The following PACS2 variants were observed in gnomAD, a reference collection of about 807,000 sequenced individuals.
PACS2 encodes the protein phosphofurin acidic cluster sorting protein 2.
A neutral mutation model predicts 113.0 loss-of-function variants in PACS2; 36 were observed. The observed-to-expected ratio is 0.32, with a 90% CI of 0.24 to 0.42. The LOEUF is 0.42. Ranked by LOEUF, PACS2 falls within the 10% of genes least tolerant of loss-of-function variation. PACS2 has a pLI of 1.00. For synonymous variants in PACS2, 589 were observed against 536.1 expected, an observed-to-expected ratio of 1.10 and a Z score of -1.36; for missense variants, 1,015 against 1,239.5, an observed-to-expected ratio of 0.82 and a Z score of 2.72.
intron 3 of PACS2, among the ~76,000 whole-genome samples, chr14:105,353,630 G>A (rs1426375035): frequency 6.6e-6 from 1 of 151,940 alleles, no homozygotes; most frequent in Non-Finnish European, 1.5e-5. Context: ...TTGAGATGGA[G>A]TCTCTCCTTG....
At position 105,396,101 on chromosome 14, in the gene PACS2, C is replaced by G. The variant is rs1228589366; in HGVS notation, c.*1429C>G. 6.6e-6 allele frequency: 1 copy of G among 152,478 alleles called. No homozygotes were observed. The highest frequency in any genetic ancestry group is 2.4e-5 in the African/African-American group (1 of 41,568). 9.4% of individuals were successfully genotyped at this position (152,478 alleles called of 1,614,324 possible). ...TGACCGCCCTGCTCTTCCTGGCCGCCCCCCCCAGGTGGCTGAACAGGGTGA... is the reference window on the plus strand; with the variant it reads ...TGACCGCCCTGCTCTTCCTGGCCGCGCCCCCCAGGTGGCTGAACAGGGTGA... On this transcript the variant is annotated 3_prime_UTR_variant, in exon 25 of 25. Transcript: ENST00000447393.
chr14:105,360,928 G>A (rs2060656397), intron 4 of PACS2, among the ~76,000 whole-genome samples: 1 of 152,156 alleles, frequency 6.6e-6, no homozygotes, highest in African/African-American at 2.4e-5. Flanking sequence ...TCCATCTTAA[G>A]AAACCACTTT....
In PACS2 at chr14:105,396,305, G is replaced by C. The variant is rs1288850595; in HGVS notation, c.*1633G>C. On this transcript the variant is annotated 3_prime_UTR_variant, in exon 25 of 25. Coordinates refer to ENST00000447393, the MANE Select transcript of PACS2 (RefSeq NM_001100913.3). ...AGGAGCCTGGGGCACACCCCAGGGT[G>C]GGGGAGAGGGTAGGAAGGTCTCCCA... 2 of 152,396 alleles carry C rather than the reference G, an allele frequency of 1.3e-5. No homozygotes were observed. Among genetic ancestry groups the C allele is most frequent in the African/African-American group, 4.8e-5 (2 of 41,546 alleles). The allele number at this position is 152,396 out of a possible 1,614,324, so 9.4% of individuals were successfully genotyped here.
At chr14:105,351,784 G>A (rs2060189956) in intron 2 of PACS2, among the ~76,000 whole-genome samples, 1 of 152,190 alleles carries the variant, frequency 6.6e-6, no homozygotes, top group African/African-American at 2.4e-5. Context: ...GGTCAAGGCT[G>A]TAGTGAGTTG....
chr14:105,317,562 C>A lies in PACS2; in HGVS notation c.119+2525C>A, dbSNP rs925351800. Among the ~76,000 whole-genome samples, 1 of 152,168 alleles carries A rather than the reference C, an allele frequency of 6.6e-6. No homozygotes were observed. The highest frequency in any genetic ancestry group is 6.5e-5 in the Admixed American group (1 of 15,268). The stretch of plus-strand genomic sequence containing the variant: ...GTTTTAACTTGAATTTCTCTGATTA[C>A]TAATTTAGGCCATTTGTACTTCCTT... On this transcript the variant is annotated intron_variant, in intron 1 of 24. Transcript: ENST00000447393. This position sits in a 1 kb window ranked among gnomAD's most constrained non-coding sequence, Gnocchi z 4.2.
At chr14:105,368,028 G>T in intron 5 of PACS2, 46 bp from the exon 6 acceptor site, 1 of 1,320,204 alleles carries the variant, frequency 7.6e-7, no homozygotes, top group Non-Finnish European at 1.1e-6. Context: ...CTGGTTTCCC[G>T]GGTGGAATCT....
intron 2 of PACS2, among the ~76,000 whole-genome samples, chr14:105,349,177 G>C (rs1294720624): frequency 6.6e-6 from 1 of 152,244 alleles, no homozygotes; most frequent in African/African-American, 2.4e-5. Flanking sequence ...TTGCCCAGTG[G>C]CCCAGACAGG....
In PACS2 at chr14:105,385,691, G is replaced by T; in HGVS notation, c.2007G>T (p.Lys669Asn). 6.6e-7 allele frequency: 1 copy of T among 1,521,610 alleles called. No homozygotes were observed. Among genetic ancestry groups the T allele is most frequent in the Non-Finnish European group, 8.8e-7 (1 of 1,137,906 alleles). 94.3% of individuals were successfully genotyped at this position (1,521,610 alleles called of 1,614,324 possible). ...AMLTYKQKRKKHFHFDFTLSP... is the reference protein window; with the variant it reads ...AMLTYKQKRKNHFHFDFTLSP... ...TTGGTGGCTTTCTGAAAAGGAAAAA[G>T]CATTTTCATTTTGACTTTACCCTAA... Residue 669 changes from lysine to asparagine, a missense_variant, in exon 19 of 25, where the codon AAG becomes AAT. Lys to Asn is a moderately conservative substitution (Grantham distance 94, BLOSUM62 0). Transcript: ENST00000447393.
Position 105,355,248 on chromosome 14 carries a change from A to T in PACS2, c.423+71A>T. ...GTGCCAGAGCATTCGCCCGTGGGAG[A>T]TGGAGATGTCTCTCCCGGGTCCAGA... On this transcript the variant is annotated intron_variant, in intron 4 of 24. Coordinates refer to ENST00000447393, the MANE Select transcript of PACS2 (RefSeq NM_001100913.3). The surrounding 1 kb of genome is among the most constrained non-coding windows in gnomAD (Gnocchi z 4.1). 2.6e-6 allele frequency: 4 copies of T among 1,528,314 alleles called. No homozygotes were observed. Among genetic ancestry groups the T allele is most frequent in the Non-Finnish European group, 2.7e-6 (3 of 1,127,646 alleles). 94.7% of individuals were successfully genotyped at this position (1,528,314 alleles called of 1,614,324 possible). A position where few individuals can be genotyped will look rare whatever the true frequency, so the allele number is the denominator to read the frequency against.
chr14:105,313,350 CCT>C (rs1160928333), upstream of PACS2, among the ~76,000 whole-genome samples: 1 of 152,204 alleles, frequency 6.6e-6, no homozygotes, highest in Non-Finnish European at 1.5e-5. Flanking sequence ...CTCCCCCTAC[CCT>C]GTCTCAAAGG....
chr14:105,352,902 G>GC (rs1157059284), intron 3 of PACS2, among the ~76,000 whole-genome samples: 2 of 104,502 alleles, frequency 1.9e-5, no homozygotes, highest in African/African-American at 3.8e-5. Context: ...GGGGTGACGG[G>GC]CCCCCTCATC....
chr14:105,389,557 C>T (rs587761956), intron 19 of PACS2: 3 of 233,666 alleles, frequency 1.3e-5, no homozygotes, highest in Non-Finnish European at 2.6e-5. Context: ...CTAACCCCAG[C>T]AGAGCAGGGG....
chr14:105,302,191 CT>C (rs1301479101), intron 1 of PACS2, among the ~76,000 whole-genome samples: 3 of 149,102 alleles, frequency 2.0e-5, no homozygotes, highest in Admixed American at 2.0e-4. Context: ...ACCCCACCCT[CT>C]TTTTTTTCTT....
intron 8 of PACS2, 93 bp downstream of exon 8, chr14:105,369,993 T>G: frequency 9.1e-7 from 1 of 1,104,254 alleles, no homozygotes; most frequent in South Asian, 1.4e-5. Context: ...GGGCCACCTC[T>G]GGTTCTGCCG....
rs375712369 is a variant in PACS2 at position 105,335,356 on chromosome 14, G to A, written c.120-13137G>A. On this transcript the variant is annotated intron_variant, in intron 1 of 24. Coordinates refer to ENST00000447393, the MANE Select transcript of PACS2 (RefSeq NM_001100913.3). The stretch of plus-strand genomic sequence containing the variant: ...GCTGTGGCCGGCGCCTGGCGTGGCT[G>A]TGACGCTGTGGCCGGCGCCTGGCGT... 3.4e-5 allele frequency among the ~76,000 whole-genome samples: 5 copies of A among 146,316 alleles called. No homozygotes were observed. The East Asian group carries it at 1.0e-3, about 30-fold the overall frequency.
chr14:105,363,326 G>A (rs906566401), intron 4 of PACS2, among the ~76,000 whole-genome samples: 12 of 152,012 alleles, frequency 7.9e-5, no homozygotes. Context: ...GGAAGGCTGT[G>A]TCTTCTACGT....
At position 105,391,637 on chromosome 14, in the gene PACS2, C is replaced by G; in HGVS notation, c.2126C>G (p.Ser709Trp). ...VEPSSATSGD[S>W]DDAAPSGSGT... ...CTGTGACTCCTCCCCAAAGGCGACT[C>G]GGACGACGCGGCCCCCTCGGGCTCT... Residue 709 changes from serine (S) to tryptophan (W), a missense_variant, in exon 22 of 25, where the codon TCG becomes TGG. Physicochemically the swap from Ser to Trp is radical, Grantham distance 177. This residue lies in a region of PACS2 where 859 missense variants were observed against 1,056.8 expected (regional missense o/e 0.81). Transcript: ENST00000447393. The G allele has an allele frequency of 6.2e-7, 1 of 1,609,292 alleles. No individual in the cohort carries two copies. Among genetic ancestry groups the G allele is most frequent in the Non-Finnish European group, 8.5e-7 (1 of 1,179,380 alleles).
chr14:105,393,856 G>T (rs2081449494), intron 24 of PACS2, among the ~76,000 whole-genome samples: 1 of 152,068 alleles, frequency 6.6e-6, no homozygotes, highest in African/African-American at 2.4e-5. Context: ...CTCCCAAAGT[G>T]CTGGGATTAT....
chr14:105,386,711 C>A (rs1007670765), intron 19 of PACS2, among the ~76,000 whole-genome samples: 17 of 152,124 alleles, frequency 1.1e-4, no homozygotes, highest in African/African-American at 3.9e-4. Flanking sequence ...GGCCCCCTTG[C>A]TGGCCTAGGA....
Sources: gnomAD v4.1 joint callset for allele counts (sites outside exome capture counted in the v4.1 genomes callset) on GRCh38, gnomAD v4.1.1 for gene constraint, gnomAD v4.1.1 regional missense constraint, Gnocchi (gnomAD v3.1) non-coding constraint, MANE v1.5 for transcripts, NCBI Gene and HGNC (gene_info 2026-07-23, HGNC 2026-07-21) for gene names.